The following HTT variants were observed in gnomAD, a reference collection of about 807,000 sequenced individuals.
HTT encodes the protein huntington disease protein.
HTT carries 104 observed loss-of-function variants against 362.3 expected under a neutral mutation model. That is an observed-to-expected ratio of 0.29 (90% CI 0.24 to 0.34). HTT has a LOEUF of 0.34. HTT is among the 10% of genes least tolerant of loss of function. HTT has a pLI of 1.00. For synonymous variants in HTT, 1,577 were observed against 1,548.7 expected (o/e 1.02, Z -0.43); for missense variants, 3,301 against 3,928.6 (o/e 0.84, Z 4.27).
In HTT at chr4:3,132,567, C is replaced by A; in HGVS notation, c.2242C>A (p.Gln748Lys). The change falls in exon 17 of 67, where the codon CAG becomes AAG. Residue 748 changes from glutamine (Q) to lysine (K), a missense_variant. Physicochemically the swap from Gln to Lys is moderately conservative, Grantham distance 53. Transcript: ENST00000355072. ...TGAGCAATTTATCTCCACAGAGGAA[C>A]AGTATGTCTCAGACATCTTGAACTA... ...PLDTTEYPEE[Q>K]YVSDILNYID... 1 of 1,613,620 alleles carries A rather than the reference C, an allele frequency of 6.2e-7. No homozygotes were observed.
At chr4:3,207,542 A>G (rs953022765) in intron 45 of HTT, among the ~76,000 whole-genome samples, 185 bp downstream of exon 45, 12 of 152,276 alleles carry the variant, frequency 7.9e-5, no homozygotes, top group African/African-American at 2.7e-4. Flanking sequence ...CTAAAGAGTA[A>G]AGGATGACCG....
intron 56 of HTT, 122 bp from the exon 57 acceptor site, chr4:3,225,539 G>A (rs1235069443): frequency 1.4e-6 from 1 of 736,992 alleles, no homozygotes; most frequent in Non-Finnish European, 2.3e-6. Context: ...TCCTGCCAGT[G>A]GCGGCGAGGG....
chr4:3,175,533 C>G (rs919089237), intron 33 of HTT, among the ~76,000 whole-genome samples: 2 of 152,210 alleles, frequency 1.3e-5, no homozygotes, highest in African/African-American at 4.8e-5. Context: ...AACAGGTTCA[C>G]TTACCTCTTT....
rs145062440 is a variant in HTT at position 3,179,169 on chromosome 4, G to A, written c.4612+723G>A. Among the ~76,000 whole-genome samples, 16 of 152,326 alleles carry A rather than the reference G, an allele frequency of 1.1e-4. No individual in the cohort carries two copies. In the East Asian group the frequency reaches 2.7e-3, roughly 26 times the overall value. Reference sequence around the variant, plus strand: ...CTACTTAGAGTCTTTTCGACTCAGCGTGTGTGCAGAAGAGCATCAACCGGG... The same window carrying A: ...CTACTTAGAGTCTTTTCGACTCAGCATGTGTGCAGAAGAGCATCAACCGGG... On this transcript the variant is annotated intron_variant, in intron 35 of 66. Transcript: ENST00000355072.
In HTT at chr4:3,146,906, G is replaced by A. The variant is rs1716629896; in HGVS notation, c.3253G>A (p.Ala1085Thr). The change falls in exon 25 of 67, where the codon GCC becomes ACC. Residue 1085 changes from alanine (A) to threonine (T), a missense_variant. By Grantham distance (58) the Ala-to-Thr change is moderately conservative. Coordinates refer to ENST00000355072, the MANE Select transcript of HTT (RefSeq NM_001388492.1). ...AGCTTGGTTCCCATTGGATCTCTCA[G>A]CCCATCAAGATGCTTTGATTTTGGC... ...SSAWFPLDLS[A>T]HQDALILAGN... The A allele has an allele frequency of 6.2e-7, 1 of 1,614,168 alleles. No individual in the cohort carries two copies. The highest frequency in any genetic ancestry group is 8.5e-7 in the Non-Finnish European group (1 of 1,180,028).
chr4:3,219,361 A>G (rs1720571063), intron 52 of HTT, among the ~76,000 whole-genome samples: 1 of 152,170 alleles, frequency 6.6e-6, no homozygotes. Flanking sequence ...GACGGGCTGC[A>G]CGCTGTAGGT....
At chr4:3,209,775 T>A in intron 46 of HTT, 52 bp from the exon 47 acceptor site, 1 of 1,603,738 alleles carries the variant, frequency 6.2e-7, no homozygotes, top group South Asian at 1.1e-5. Context: ...GGATGTGAAG[T>A]CCCCTTGAAC....
At chr4:3,108,715 A>C (rs762218639) in intron 6 of HTT, among the ~76,000 whole-genome samples, 2 of 152,268 alleles carry the variant, frequency 1.3e-5, no homozygotes, top group East Asian at 1.9e-4. Context: ...AAAAAAATCT[A>C]TTCTGCTACC....
chr4:3,224,703 T>C (rs963835745), intron 56 of HTT, among the ~76,000 whole-genome samples: 2 of 152,174 alleles, frequency 1.3e-5, no homozygotes, highest in Admixed American at 1.3e-4. Context: ...AAAAGTATTT[T>C]AGCGTAGAGC....
intron 51 of HTT, 32 bp from the exon 52 acceptor site, chr4:3,217,733 A>T: frequency 1.9e-6 from 3 of 1,578,348 alleles, no homozygotes; most frequent in Non-Finnish European, 2.6e-6. Flanking sequence ...TGTGTTTTTT[A>T]AAAAGTCCTC....
chr4:3,145,116 T>G (rs747663508), intron 23 of HTT, 36 bp from the exon 24 acceptor site: 19 of 1,430,560 alleles, frequency 1.3e-5, no homozygotes, highest in Non-Finnish European at 3.0e-6. Flanking sequence ...ACCTTTGTGG[T>G]GTTTGGGTGT....
intron 3 of HTT, among the ~76,000 whole-genome samples, chr4:3,102,968 G>A (rs890342823): frequency 9.2e-5 from 14 of 152,100 alleles, no homozygotes; most frequent in Admixed American, 9.2e-4. Context: ...GGGGGGCAGG[G>A]ACCACGGGCA....
chr4:3,188,961 C>G lies in HTT; in HGVS notation c.5236C>G (p.Gln1746Glu), dbSNP rs775066827. The G allele has an allele frequency of 1.2e-6, 2 of 1,613,948 alleles. No individual in the cohort carries two copies. Among genetic ancestry groups the G allele is most frequent in the Non-Finnish European group, 1.7e-6 (2 of 1,179,876 alleles). The change falls in exon 40 of 67, where the codon CAA becomes GAA. Residue 1746 changes from glutamine (Q) to glutamate (E), a missense_variant. Around this residue, in one of 4 missense-constraint regions of HTT, gnomAD observed 2,316 missense variants for 2,658.5 expected, o/e 0.87. Transcript: ENST00000355072. ...TTTGTTTCTTGGAAGGTTTCTATTA[C>G]AACTGGTTGGTATTCTTTTAGAAGA... is the stretch of plus-strand genomic sequence containing the variant. ...PEETFSRFLL[Q>E]LVGILLEDIV...
chr4:3,187,893 T>G lies in HTT; in HGVS notation c.5225+7T>G. On this transcript the variant is annotated splice_region_variant and intron_variant, in intron 39 of 66. Coordinates refer to ENST00000355072, the MANE Select transcript of HTT (RefSeq NM_001388492.1). ...CAGAAGAAACATTTTCAAGGTATGCTTTCTATCTGAGCCTATAACTAACCC... is the reference window on the plus strand; with the variant it reads ...CAGAAGAAACATTTTCAAGGTATGCGTTCTATCTGAGCCTATAACTAACCC... 1 of 1,558,950 alleles carries G rather than the reference T, an allele frequency of 6.4e-7. No homozygotes were observed. Among genetic ancestry groups the G allele is most frequent in the Non-Finnish European group, 8.8e-7 (1 of 1,131,576 alleles).
At chr4:3,135,791 T>C (rs1333297737) in intron 19 of HTT, 113 bp from the exon 20 acceptor site, 4 of 646,620 alleles carry the variant, frequency 6.2e-6, no homozygotes, top group Admixed American at 6.4e-5. Context: ...TTTGAGTAAG[T>C]GCTGCCCAAG....
At chr4:3,095,369 C>A (rs1362817234) in intron 2 of HTT, among the ~76,000 whole-genome samples, 6 of 152,240 alleles carry the variant, frequency 3.9e-5, no homozygotes, top group Admixed American at 6.5e-5. Context: ...CACCAAAAAA[C>A]ACGAAAACCA....
intron 40 of HTT, among the ~76,000 whole-genome samples, chr4:3,195,132 C>T (rs1460852956): frequency 6.6e-6 from 1 of 152,054 alleles, no homozygotes; most frequent in African/African-American, 2.4e-5. Flanking sequence ...AGAATACCCA[C>T]CATGGGCCCC....
At chr4:3,237,475 C>A (rs1391826147) in intron 64 of HTT, among the ~76,000 whole-genome samples, 1 of 152,146 alleles carries the variant, frequency 6.6e-6, no homozygotes, top group East Asian at 1.9e-4. Context: ...GGCGCCACGA[C>A]CAGTCCTGGC....
intron 29 of HTT, among the ~76,000 whole-genome samples, chr4:3,169,787 T>C (rs1214652037): frequency 6.6e-6 from 1 of 152,224 alleles, no homozygotes; most frequent in East Asian, 1.9e-4. Flanking sequence ...TTGGCCAAAC[T>C]GGCCTTGAAC....
Sources: gnomAD v4.1 joint callset for allele counts (sites outside exome capture counted in the v4.1 genomes callset) on GRCh38, gnomAD v4.1.1 for gene constraint, gnomAD v4.1.1 regional missense constraint, MANE v1.5 for transcripts, NCBI Gene and HGNC (gene_info 2026-07-23, HGNC 2026-07-21) for gene names.